The following SPIDR variants were observed in gnomAD, a reference collection of about 807,000 sequenced individuals.
SPIDR encodes DNA repair-scaffolding protein.
In SPIDR, 93 loss-of-function variants were observed where a neutral mutation model predicts 104.6. That is an observed-to-expected ratio of 0.89 (90% CI 0.75 to 1.06). The LOEUF (loss-of-function observed/expected upper bound fraction) is 1.06. Among genes scored for constraint, SPIDR ranks in the 50% least tolerant of loss-of-function variants. The pLI is 0.00. For synonymous variants in SPIDR, 431 were observed against 416.9 expected (o/e 1.03, Z -0.41); for missense variants, 1,154 against 1,111.2 (o/e 1.04, Z -0.55).
At chr8:47,693,012 A>G (rs968783003) in intron 11 of SPIDR, among the ~76,000 whole-genome samples, 1 of 152,184 alleles carries the variant, frequency 6.6e-6, no homozygotes, top group African/African-American at 2.4e-5. Flanking sequence ...CACCAGCCTA[A>G]TGGTACATTT....
chr8:47,735,605 CA>C lies in SPIDR; in HGVS notation c.*156del, dbSNP rs1413567997. On this transcript the variant is annotated 3_prime_UTR_variant, in exon 20 of 20. Coordinates refer to ENST00000297423, the MANE Select transcript of SPIDR (RefSeq NM_001080394.4). The stretch of plus-strand genomic sequence containing the variant: ...ATTTTTCTGGGGAAATGTTCAGATA[CA>C]GTTTTGTGAACTGTAAATCAAAATA... 2.1e-6 allele frequency: 3 copies of C among 1,434,776 alleles called. No individual in the cohort carries two copies. In the Admixed American group the frequency reaches 6.9e-5, roughly 33 times the overall value. The allele number at this position is 1,434,776 out of a possible 1,614,324, so 88.9% of individuals were successfully genotyped here. A position where few individuals can be genotyped will look rare whatever the true frequency, so the allele number is the denominator to read the frequency against.
chr8:47,454,547 A>G (rs1477558305), intron 8 of SPIDR, among the ~76,000 whole-genome samples: 1 of 152,136 alleles, frequency 6.6e-6, no homozygotes, highest in Non-Finnish European at 1.5e-5. Context: ...CAGTGAGTTA[A>G]TGGGTTCAGC....
At chr8:47,488,588 T>C (rs1271212982) in intron 8 of SPIDR, among the ~76,000 whole-genome samples, 1 of 152,066 alleles carries the variant, frequency 6.6e-6, no homozygotes, top group Non-Finnish European at 1.5e-5. Context: ...TGAACATTGA[T>C]TCAAAAATCC....
intron 3 of SPIDR, among the ~76,000 whole-genome samples, chr8:47,287,179 ACATGCTT>A (rs2039006358): frequency 6.6e-6 from 1 of 152,190 alleles, no homozygotes; most frequent in Non-Finnish European, 1.5e-5. Flanking sequence ...CACAAAGATC[ACATGCTT>A]CAAAGGGCAA....
chr8:47,526,406 A>G (rs2084991961), intron 8 of SPIDR, among the ~76,000 whole-genome samples: 1 of 152,210 alleles, frequency 6.6e-6, no homozygotes, highest in South Asian at 2.1e-4. Flanking sequence ...GAAATCAGAA[A>G]ATTTAAGGCA....
intron 7 of SPIDR, among the ~76,000 whole-genome samples, chr8:47,410,418 T>A (rs142850747): frequency 1.2e-3 from 188 of 152,146 alleles, no homozygotes; most frequent in African/African-American, 4.2e-3. Context: ...TGACCTCAGG[T>A]GACGCACCCA....
intron 8 of SPIDR, among the ~76,000 whole-genome samples, chr8:47,485,423 G>A (rs1554730331): frequency 6.6e-6 from 1 of 152,212 alleles, no homozygotes; most frequent in African/African-American, 2.4e-5. Context: ...CTCCACCTCT[G>A]CGGGCAGGGC....
chr8:47,417,167 G>A (rs1166957803), intron 7 of SPIDR, among the ~76,000 whole-genome samples: 1 of 152,110 alleles, frequency 6.6e-6, no homozygotes, highest in Non-Finnish European at 1.5e-5. Context: ...GGGTCAAATG[G>A]TATTTCTAGT....
At chr8:47,450,415 C>A (rs1295978517) in intron 8 of SPIDR, among the ~76,000 whole-genome samples, 1 of 152,076 alleles carries the variant, frequency 6.6e-6, no homozygotes, top group East Asian at 1.9e-4. Flanking sequence ...TTTATTAGGT[C>A]CCACCTCCCA....
chr8:47,526,575 G>C (rs1209269857), intron 8 of SPIDR, among the ~76,000 whole-genome samples: 6 of 152,204 alleles, frequency 3.9e-5, no homozygotes. Flanking sequence ...CAGCTGCCTG[G>C]TGTTTAGAGG....
chr8:47,569,376 G>A (rs192511035), intron 8 of SPIDR, among the ~76,000 whole-genome samples: 1 of 152,300 alleles, frequency 6.6e-6, no homozygotes, highest in East Asian at 1.9e-4. Flanking sequence ...AAGAAGATCA[G>A]TAGGAAATAT....
intron 7 of SPIDR, among the ~76,000 whole-genome samples, chr8:47,419,788 G>T (rs527570481): frequency 6.6e-6 from 1 of 152,066 alleles, no homozygotes; most frequent in South Asian, 2.1e-4. Context: ...ACACTGCTTT[G>T]AATATGTCCC....
intron 14 of SPIDR, among the ~76,000 whole-genome samples, chr8:47,708,170 G>A (rs2081340290): frequency 1.3e-5 from 2 of 152,098 alleles, no homozygotes; most frequent in African/African-American, 4.8e-5. Context: ...ATGATGGCAG[G>A]TGCCTGTAAT....
intron 5 of SPIDR, among the ~76,000 whole-genome samples, chr8:47,362,586 A>G (rs1182061897): frequency 3.3e-5 from 5 of 152,250 alleles, no homozygotes; most frequent in African/African-American, 9.6e-5. Flanking sequence ...ACAAAAGTGT[A>G]AAGAGAAAAA....
intron 11 of SPIDR, among the ~76,000 whole-genome samples, chr8:47,677,172 C>G (rs2076552341): frequency 6.6e-6 from 1 of 152,118 alleles, no homozygotes; most frequent in Non-Finnish European, 1.5e-5. Flanking sequence ...CCAACCTGCC[C>G]CCGACCACCG....
chr8:47,323,829 C>T (rs1317048173), intron 5 of SPIDR, among the ~76,000 whole-genome samples: 1 of 152,166 alleles, frequency 6.6e-6, no homozygotes, highest in African/African-American at 2.4e-5. Context: ...TGAGTGACTA[C>T]AGAACCCATG....
intron 10 of SPIDR, among the ~76,000 whole-genome samples, chr8:47,599,907 A>G (rs1041220789): frequency 1.3e-5 from 2 of 152,112 alleles, no homozygotes; most frequent in East Asian, 3.9e-4. Context: ...ACAGGCTTGC[A>G]CCACCATGCC....
At chr8:47,542,020 A>T (rs1436491285) in intron 8 of SPIDR, among the ~76,000 whole-genome samples, 1 of 152,198 alleles carries the variant, frequency 6.6e-6, no homozygotes, top group Non-Finnish European at 1.5e-5. Flanking sequence ...CCCCAGGCAC[A>T]TTCTGGAAAC....
At chr8:47,511,425 G>C in intron 8 of SPIDR, 1 of 806,372 alleles carries the variant, frequency 1.2e-6, no homozygotes, top group Non-Finnish European at 2.2e-6. Flanking sequence ...TAAAGTCCTC[G>C]TCCTGATGTT....
Sources: gnomAD v4.1 joint callset for allele counts (sites outside exome capture counted in the v4.1 genomes callset) on GRCh38, gnomAD v4.1.1 for gene constraint, MANE v1.5 for transcripts, NCBI Gene and HGNC (gene_info 2026-07-23, HGNC 2026-07-21) for gene names.